CSMD3: variants seen among roughly 807,000 people sequenced by gnomAD.
CSMD3 encodes the protein CUB and sushi domain-containing protein 3.
A neutral mutation model predicts 435.2 loss-of-function variants in CSMD3; 177 were observed. The observed-to-expected ratio is 0.41, with a 90% CI of 0.36 to 0.46. The LOEUF is 0.46. Among genes scored for constraint, CSMD3 ranks in the 20% least tolerant of loss-of-function variants. The pLI is 0.34. For missense variants in CSMD3, 4,265 were observed against 4,504.6 expected, an observed-to-expected ratio of 0.95 and a Z score of 1.52; for synonymous variants, 1,656 against 1,520.5, an observed-to-expected ratio of 1.09 and a Z score of -2.07.
intron 31 of CSMD3, among the ~76,000 whole-genome samples, chr8:112,476,475 C>T (rs1390497608): frequency 6.6e-6 from 1 of 152,110 alleles, no homozygotes; most frequent in Non-Finnish European, 1.5e-5. Context: ...GAATATCATG[C>T]TATTTCTCAC....
At chr8:112,696,052 C>G (rs1368982614) in intron 13 of CSMD3, among the ~76,000 whole-genome samples, 1 of 152,132 alleles carries the variant, frequency 6.6e-6, no homozygotes, top group Non-Finnish European at 1.5e-5. Flanking sequence ...AGGAGAACTA[C>G]AAACCACTGC....
chr8:112,710,287 G>T (rs2076584471), intron 13 of CSMD3, among the ~76,000 whole-genome samples: 2 of 152,118 alleles, frequency 1.3e-5, no homozygotes, highest in African/African-American at 4.8e-5. Context: ...ACAAACTACT[G>T]TTTCTTGTGA....
rs1043969460 is a variant in CSMD3, at chr8:113,365,458, A to G, written c.179-50665T>C. ...CCTTTAGAGACAGAGCTTTATATTA[A>G]AATTTCAGTTTTACCTCATTCCATG... is the stretch of plus-strand genomic sequence containing the variant. On this transcript the variant is annotated intron_variant, in intron 1 of 70. Transcript: ENST00000297405. Among the ~76,000 whole-genome samples the G allele has an allele frequency of 3.3e-5, 5 of 152,076 alleles. No individual in the cohort carries two copies. The East Asian group carries it at 9.6e-4, about 29-fold the overall frequency.
chr8:112,236,863 G>T (rs1439317035), intron 67 of CSMD3, among the ~76,000 whole-genome samples: 1 of 151,872 alleles, frequency 6.6e-6, no homozygotes, highest in Non-Finnish European at 1.5e-5. Flanking sequence ...TCAATGATTT[G>T]GTCTCCGTGG....
intron 13 of CSMD3, among the ~76,000 whole-genome samples, chr8:112,698,939 C>T (rs377355739): frequency 9.2e-5 from 14 of 151,962 alleles, no homozygotes; most frequent in South Asian, 2.1e-4. Context: ...CACCAATCAG[C>T]GCTCCTTGTC....
intron 32 of CSMD3, among the ~76,000 whole-genome samples, chr8:112,432,971 C>T (rs1813876771): frequency 6.6e-6 from 1 of 151,584 alleles, no homozygotes; most frequent in Admixed American, 6.6e-5. Flanking sequence ...TATTAATTTC[C>T]AAACAGTTAC....
chr8:112,674,505 G>A (rs2131742286), intron 16 of CSMD3, among the ~76,000 whole-genome samples: 1 of 152,140 alleles, frequency 6.6e-6, no homozygotes, highest in Admixed American at 6.6e-5. Flanking sequence ...TTTTGTAGTT[G>A]CCTGTCTGCT....
intron 5 of CSMD3, among the ~76,000 whole-genome samples, chr8:113,044,786 T>C (rs1504337): frequency 0.72 from 106,485 of 148,070 alleles, 41,392 homozygotes; most frequent in East Asian, 0.95. Context: ...CCAAATATCC[T>C]TTGCATTTTA....
chr8:113,057,736 C>T (rs150342025), intron 5 of CSMD3, among the ~76,000 whole-genome samples: 1 of 151,680 alleles, frequency 6.6e-6, no homozygotes, highest in South Asian at 2.1e-4. Flanking sequence ...GAAAAGCTTT[C>T]TTTTTTAAAA....
chr8:112,764,229 T>G (rs1157016067), intron 13 of CSMD3, among the ~76,000 whole-genome samples: 4 of 151,532 alleles, frequency 2.6e-5, no homozygotes, highest in Non-Finnish European at 5.9e-5. Flanking sequence ...ATGTAAAGGT[T>G]TTATTCAATG....
At chr8:112,681,635 G>T (rs2075897585) in intron 16 of CSMD3, among the ~76,000 whole-genome samples, 1 of 152,058 alleles carries the variant, frequency 6.6e-6, no homozygotes, top group Non-Finnish European at 1.5e-5. Flanking sequence ...GGAGGCCGAG[G>T]CAGACAGATC....
chr8:112,799,468 A>T (rs2078910170), intron 13 of CSMD3, among the ~76,000 whole-genome samples: 1 of 151,988 alleles, frequency 6.6e-6, no homozygotes, highest in South Asian at 2.1e-4. Flanking sequence ...TTTAAAAAAT[A>T]GATTTTTAAT....
chr8:112,384,499 C>T (rs926113782), intron 36 of CSMD3, among the ~76,000 whole-genome samples: 3 of 152,102 alleles, frequency 2.0e-5, no homozygotes, highest in Non-Finnish European at 4.4e-5. Flanking sequence ...ACCTATTTTG[C>T]TATTTCTTTA....
chr8:113,297,301 G>T (rs2093729860), intron 2 of CSMD3, among the ~76,000 whole-genome samples: 2 of 149,684 alleles, frequency 1.3e-5, no homozygotes, highest in Middle Eastern at 3.4e-3. Flanking sequence ...ACTAGAATCT[G>T]GTCGCACATT....
intron 10 of CSMD3, among the ~76,000 whole-genome samples, chr8:112,881,851 G>C (rs1272309733): frequency 6.6e-6 from 1 of 151,868 alleles, no homozygotes; most frequent in Non-Finnish European, 1.5e-5. Flanking sequence ...TGAATCCTAG[G>C]ATATGAGAAA....
At position 113,296,025 on chromosome 8, in the gene CSMD3, T is replaced by C. The variant is rs553968314; in HGVS notation, c.402-17321A>G. ...ACATGGATGAAGGTGGAAACCATCA[T>C]TCTCAGCAAACTATCGCAAGGACAA... On this transcript the variant is annotated intron_variant, in intron 2 of 70. Coordinates refer to ENST00000297405, the MANE Select transcript of CSMD3 (RefSeq NM_198123.2). Among the ~76,000 whole-genome samples the C allele has an allele frequency of 2.6e-3, 394 of 152,134 alleles. 2 individuals are homozygous for C. The highest frequency in any genetic ancestry group is 8.9e-3 in the African/African-American group (371 of 41,498).
chr8:112,893,802 T>A (rs2130356463), intron 10 of CSMD3, among the ~76,000 whole-genome samples: 1 of 151,640 alleles, frequency 6.6e-6, no homozygotes, highest in South Asian at 2.1e-4. Flanking sequence ...AATTATTGCT[T>A]TCTGTTCCTG....
At chr8:112,630,166 C>T (rs1181582967) in intron 22 of CSMD3, among the ~76,000 whole-genome samples, 2 of 152,102 alleles carry the variant, frequency 1.3e-5, no homozygotes, top group Non-Finnish European at 2.9e-5. Context: ...TGCCCAGACT[C>T]TCAACCCACA....
chr8:112,653,554 T>C (rs1021198166), intron 18 of CSMD3, among the ~76,000 whole-genome samples: 3 of 147,364 alleles, frequency 2.0e-5, no homozygotes, highest in Non-Finnish European at 4.4e-5. Flanking sequence ...ACAGACGTGA[T>C]TTTTTCCTGG....
Sources: gnomAD v4.1 joint callset for allele counts (sites outside exome capture counted in the v4.1 genomes callset) on GRCh38, gnomAD v4.1.1 for gene constraint, MANE v1.5 for transcripts, NCBI Gene and HGNC (gene_info 2026-07-23, HGNC 2026-07-21) for gene names.